MICU1: variants seen among roughly 807,000 people sequenced by gnomAD.
MICU1 encodes the protein calcium uptake protein 1, mitochondrial.
Under a neutral mutation model 56.8 loss-of-function variants are expected in MICU1, and 45 were observed. The ratio of observed to expected loss-of-function variants is 0.79; its 90% CI spans 0.62 to 1.02. The LOEUF (loss-of-function observed/expected upper bound fraction) is 1.02. Ranked by LOEUF, MICU1 falls within the 50% of genes least tolerant of loss-of-function variation. The pLI is 0.00. For missense variants in MICU1, 504 were observed against 587.1 expected (o/e 0.86, Z 1.46); for synonymous variants, 186 against 195.1 (o/e 0.95, Z 0.39).
chr10:72,461,662 A>T (rs1564883558), intron 8 of MICU1, among the ~76,000 whole-genome samples: 1 of 152,108 alleles, frequency 6.6e-6, no homozygotes, highest in Non-Finnish European at 1.5e-5. Context: ...TTAAGAAAAG[A>T]CTCTGAGCCG....
chr10:72,485,460 C>A (rs1866437817), intron 6 of MICU1, among the ~76,000 whole-genome samples: 1 of 151,506 alleles, frequency 6.6e-6, no homozygotes. Context: ...ATATAATTAA[C>A]CTGTTATTAT....
chr10:72,608,161 T>C (rs1841743645), intron 1 of MICU1, among the ~76,000 whole-genome samples: 1 of 152,122 alleles, frequency 6.6e-6, no homozygotes, highest in African/African-American at 2.4e-5. Flanking sequence ...CTCAACCTCC[T>C]GGATTCAAGC....
At chr10:72,579,397 C>A (rs1010497771) in intron 1 of MICU1, among the ~76,000 whole-genome samples, 1 of 152,084 alleles carries the variant, frequency 6.6e-6, no homozygotes, top group South Asian at 2.1e-4. Context: ...TTAAAGAGCA[C>A]TAATCTCCTT....
chr10:72,526,728 A>G (rs1867973326), intron 5 of MICU1, among the ~76,000 whole-genome samples: 1 of 152,204 alleles, frequency 6.6e-6, no homozygotes, highest in Admixed American at 6.5e-5. Context: ...TTATAATAGT[A>G]AATTGTAGAG....
At chr10:72,474,636 T>C (rs1866056838) in intron 8 of MICU1, among the ~76,000 whole-genome samples, 1 of 152,154 alleles carries the variant, frequency 6.6e-6, no homozygotes, top group Non-Finnish European at 1.5e-5. Flanking sequence ...GGACTATGGG[T>C]GTATGCCACT....
intron 6 of MICU1, among the ~76,000 whole-genome samples, chr10:72,500,279 TATATATATATATATATATATA>T (rs1866998178): frequency 1.2e-4 from 1 of 8,642 alleles, no homozygotes; most frequent in African/African-American, 2.2e-4. Flanking sequence ...TATATATATA[TATATATATATATATATATATA>T]TATTTTTTTT....
chr10:72,477,836 GA>G (rs2132274112), intron 6 of MICU1, among the ~76,000 whole-genome samples: 1 of 151,932 alleles, frequency 6.6e-6, no homozygotes, highest in South Asian at 2.1e-4. Context: ...TGGTAAGGCA[GA>G]AAAGTACACT....
chr10:72,540,911 C>A (rs1049494763), intron 4 of MICU1, among the ~76,000 whole-genome samples: 10 of 152,138 alleles, frequency 6.6e-5, no homozygotes, highest in Admixed American at 6.5e-4. Context: ...GGCCAGTGGT[C>A]TAAAAAGTTA....
At chr10:72,585,507 C>A (rs1379704326) in intron 1 of MICU1, among the ~76,000 whole-genome samples, 1 of 151,878 alleles carries the variant, frequency 6.6e-6, no homozygotes, top group Non-Finnish European at 1.5e-5. Context: ...CCAGCCTAGC[C>A]AACATGGTGA....
At chr10:72,372,708 G>C (rs1862385798) in intron 11 of MICU1, among the ~76,000 whole-genome samples, 1 of 151,898 alleles carries the variant, frequency 6.6e-6, no homozygotes, top group Admixed American at 6.6e-5. Flanking sequence ...CGGGTGTGAT[G>C]GTGGGCGCCT....
Position 72,456,240 on chromosome 10 carries a change from C to T in MICU1, c.933+18860G>A, listed in dbSNP as rs1430097111. ...TGGAACTGTTTTTGACACAGCCCTCCTGAGGCTAATCCTATAATCTGGGGA... is the reference window on the plus strand; with the variant it reads ...TGGAACTGTTTTTGACACAGCCCTCTTGAGGCTAATCCTATAATCTGGGGA... On this transcript the variant is annotated intron_variant, in intron 8 of 11. Coordinates refer to ENST00000361114, the MANE Select transcript of MICU1 (RefSeq NM_001195518.2). Among the ~76,000 whole-genome samples the T allele has an allele frequency of 3.3e-5, 5 of 152,184 alleles. No homozygotes were observed. In the South Asian group the frequency reaches 1.0e-3, roughly 32 times the overall value.
intron 4 of MICU1, among the ~76,000 whole-genome samples, chr10:72,541,312 C>A (rs1418925518): frequency 2.0e-5 from 3 of 152,202 alleles, no homozygotes; most frequent in African/African-American, 7.2e-5. Flanking sequence ...GCCTGAATTC[C>A]ATTAAAATGT....
chr10:72,438,991 T>C (rs935103109), intron 8 of MICU1, among the ~76,000 whole-genome samples: 5 of 152,200 alleles, frequency 3.3e-5, no homozygotes, highest in African/African-American at 1.2e-4. Flanking sequence ...GTTGGTACCA[T>C]TCCTTCTGAA....
intron 1 of MICU1, among the ~76,000 whole-genome samples, chr10:72,593,470 G>C (rs947096368): frequency 1.3e-5 from 2 of 150,694 alleles, no homozygotes; most frequent in South Asian, 2.1e-4. Flanking sequence ...GTTGTAGTGA[G>C]CCAAGATCGT....
At chr10:72,470,097 A>G (rs1865905912) in intron 8 of MICU1, among the ~76,000 whole-genome samples, 1 of 152,212 alleles carries the variant, frequency 6.6e-6, no homozygotes, top group African/African-American at 2.4e-5. Flanking sequence ...TACAAACATC[A>G]TCTCACTTAA....
chr10:72,380,763 G>A (rs1862676458), intron 10 of MICU1, among the ~76,000 whole-genome samples: 1 of 152,164 alleles, frequency 6.6e-6, no homozygotes, highest in African/African-American at 2.4e-5. Flanking sequence ...GGGTCCACAT[G>A]ATCCCTTCCA....
At chr10:72,565,334 T>C (rs1840403726) in intron 2 of MICU1, among the ~76,000 whole-genome samples, 1 of 151,942 alleles carries the variant, frequency 6.6e-6, no homozygotes. Flanking sequence ...TTCGTGTCTT[T>C]TGTAGGGACA....
At chr10:72,475,758 C>G (rs141210781) in intron 7 of MICU1, 1 of 445,188 alleles carries the variant, frequency 2.2e-6, no homozygotes, top group Non-Finnish European at 4.5e-6. Flanking sequence ...CTATTATTAT[C>G]CTTATTTTAT....
chr10:72,507,272 T>C (rs1334801876), intron 6 of MICU1, among the ~76,000 whole-genome samples: 1 of 152,170 alleles, frequency 6.6e-6, no homozygotes, highest in Non-Finnish European at 1.5e-5. Flanking sequence ...AACATAACAT[T>C]TTGTTTAGTT....
Sources: allele counts gnomAD v4.1 joint callset (sites outside exome capture counted in the v4.1 genomes callset), GRCh38; gene constraint gnomAD v4.1.1; transcripts MANE v1.5; gene names NCBI Gene and HGNC (gene_info 2026-07-23, HGNC 2026-07-21).